PHLDB2: variants seen among roughly 807,000 people sequenced by gnomAD.
PHLDB2 encodes the protein pleckstrin homology-like domain family B member 2.
Under a neutral mutation model 123.6 loss-of-function variants are expected in PHLDB2, and 71 were observed. That is an observed-to-expected ratio of 0.57 (90% CI 0.47 to 0.70). PHLDB2 has a LOEUF of 0.70. Among genes scored for constraint, PHLDB2 ranks in the 30% least tolerant of loss-of-function variants. The pLI, the probability that PHLDB2 is intolerant of heterozygous loss-of-function variation, is 0.00. For synonymous variants in PHLDB2, 547 were observed against 541.6 expected (o/e 1.01, Z -0.14); for missense variants, 1,446 against 1,519.5 (o/e 0.95, Z 0.80).
At chr3:111,850,130 G>A (rs2064186598) in intron 2 of PHLDB2, among the ~76,000 whole-genome samples, 2 of 151,536 alleles carry the variant, frequency 1.3e-5, no homozygotes, top group African/African-American at 4.9e-5. Context: ...CCAAGTGCTA[G>A]GATTACAGGC....
At chr3:111,951,873 G>C (rs1577175833) in intron 10 of PHLDB2, among the ~76,000 whole-genome samples, 1 of 151,972 alleles carries the variant, frequency 6.6e-6, no homozygotes, top group African/African-American at 2.4e-5. Context: ...ACAGGAAATC[G>C]TTTTACTGTT....
intron 5 of PHLDB2, among the ~76,000 whole-genome samples, chr3:111,921,168 C>T (rs1309387265): frequency 1.3e-5 from 2 of 151,966 alleles, no homozygotes; most frequent in Non-Finnish European, 2.9e-5. Flanking sequence ...GTGTTTTTTT[C>T]CTCTGGGAAA....
At chr3:111,748,763 C>G (rs1179923152) in intron 1 of PHLDB2, among the ~76,000 whole-genome samples, 1 of 152,070 alleles carries the variant, frequency 6.6e-6, no homozygotes, top group Non-Finnish European at 1.5e-5. Context: ...CTCAGGTGAT[C>G]CACCCACCTC....
chr3:111,836,218 G>A (rs2063387714), intron 1 of PHLDB2, among the ~76,000 whole-genome samples: 1 of 152,190 alleles, frequency 6.6e-6, no homozygotes, highest in South Asian at 2.1e-4. Flanking sequence ...AAGTGGCCAT[G>A]ATGAAGCATG....
intron 1 of PHLDB2, among the ~76,000 whole-genome samples, chr3:111,868,917 T>C (rs1225125259): frequency 6.6e-6 from 1 of 152,194 alleles, no homozygotes; most frequent in East Asian, 1.9e-4. Flanking sequence ...TATTTTAAAG[T>C]TCCTACAGAC....
intron 1 of PHLDB2, among the ~76,000 whole-genome samples, chr3:111,774,415 C>T (rs983774686): frequency 3.3e-5 from 5 of 152,142 alleles, no homozygotes; most frequent in African/African-American, 1.2e-4. Context: ...TGCTCTATCT[C>T]CTGGAAGTTA....
chr3:111,963,686 A>G (rs904576857), intron 13 of PHLDB2, among the ~76,000 whole-genome samples: 1 of 152,198 alleles, frequency 6.6e-6, no homozygotes, highest in African/African-American at 2.4e-5. Context: ...GACATAATAA[A>G]CCACGAGACC....
intron 2 of PHLDB2, among the ~76,000 whole-genome samples, chr3:111,890,782 G>A (rs1174404587): frequency 6.6e-6 from 1 of 152,104 alleles, no homozygotes; most frequent in Non-Finnish European, 1.5e-5. Context: ...TCCACTTTGA[G>A]TCCGTATTAA....
rs145243447 is a variant in PHLDB2, at chr3:111,840,119, G to T, written c.-48-5702G>T. 3.7e-3 allele frequency among the ~76,000 whole-genome samples: 555 copies of T among 151,692 alleles called. 4 individuals are homozygous for T. The highest frequency in any genetic ancestry group is 0.013 in the African/African-American group (532 of 41,348). On this transcript the variant is annotated intron_variant, in intron 1 of 17. Transcript: ENST00000393923. ...ATAAAAATATTAGCCAGGTAGAGTG[G>T]TACATGCCTGTAGTCCTACCTGCTT...
At chr3:111,949,433 T>C (rs2070563516) in intron 10 of PHLDB2, among the ~76,000 whole-genome samples, 1 of 152,210 alleles carries the variant, frequency 6.6e-6, no homozygotes, top group African/African-American at 2.4e-5. Context: ...GTTTTCGATT[T>C]TGTTTTGTAA....
chr3:111,773,359 A>G (rs2108056248), intron 1 of PHLDB2, among the ~76,000 whole-genome samples: 1 of 152,308 alleles, frequency 6.6e-6, no homozygotes, highest in East Asian at 1.9e-4. Context: ...ACCCAAATGT[A>G]TGAGAAGACA....
intron 1 of PHLDB2, among the ~76,000 whole-genome samples, chr3:111,742,777 G>A (rs1406924692): frequency 6.6e-6 from 1 of 152,128 alleles, no homozygotes. Context: ...ACATACGTGT[G>A]CATGTGTCTT....
chr3:111,870,156 A>G (rs1021194140), intron 1 of PHLDB2, among the ~76,000 whole-genome samples: 2 of 152,182 alleles, frequency 1.3e-5, no homozygotes, highest in African/African-American at 4.8e-5. Flanking sequence ...AGGAAGTTCT[A>G]AGGAGACAGG....
upstream of PHLDB2, among the ~76,000 whole-genome samples, chr3:111,856,265 T>C (rs2064502460): frequency 1.3e-5 from 2 of 152,320 alleles, no homozygotes; most frequent in South Asian, 4.1e-4. Context: ...TTTGGAATTA[T>C]TCATTATACA....
intron 1 of PHLDB2, among the ~76,000 whole-genome samples, chr3:111,869,705 C>CTGTGTG (rs756821881): frequency 1.2e-4 from 3 of 25,286 alleles, no homozygotes; most frequent in South Asian, 7.6e-4. Flanking sequence ...GTGTCTGTCT[C>CTGTGTG]TGTGTGTGTG....
intron 1 of PHLDB2, among the ~76,000 whole-genome samples, chr3:111,766,750 AG>A (rs1296813144): frequency 6.6e-6 from 1 of 152,128 alleles, no homozygotes; most frequent in African/African-American, 2.4e-5. Flanking sequence ...TTAGCAATCC[AG>A]GTTGTGCGCA....
At chr3:111,847,612 A>G (rs991241207) in intron 2 of PHLDB2, among the ~76,000 whole-genome samples, 1 of 152,006 alleles carries the variant, frequency 6.6e-6, no homozygotes, top group African/African-American at 2.4e-5. Flanking sequence ...ATACTTCCAG[A>G]CCCTCTTTCC....
chr3:111,869,839 CT>C (rs1208693682), intron 1 of PHLDB2, among the ~76,000 whole-genome samples: 1 of 152,210 alleles, frequency 6.6e-6, no homozygotes, highest in Non-Finnish European at 1.5e-5. Context: ...CATGGAACTG[CT>C]TTGTTGGATC....
At chr3:111,819,201 T>A (rs1283532561) in intron 1 of PHLDB2, among the ~76,000 whole-genome samples, 1 of 151,240 alleles carries the variant, frequency 6.6e-6, no homozygotes, top group East Asian at 1.9e-4. Context: ...AACCTACTTA[T>A]CTCCCAAATG....
Sources: gnomAD v4.1 joint callset for allele counts (sites outside exome capture counted in the v4.1 genomes callset) on GRCh38, gnomAD v4.1.1 for gene constraint, MANE v1.5 for transcripts, NCBI Gene and HGNC (gene_info 2026-07-23, HGNC 2026-07-21) for gene names.